Variants in DLG1 observed in about 807,000 individuals in gnomAD.
The protein encoded by DLG1 is discs large MAGUK scaffold protein 1.
Under a neutral mutation model 123.4 loss-of-function variants are expected in DLG1, and 42 were observed. The observed-to-expected ratio is 0.34, with a 90% CI of 0.27 to 0.44. The LOEUF (loss-of-function observed/expected upper bound fraction) is 0.44. Among genes scored for constraint, DLG1 ranks in the 20% least tolerant of loss-of-function variants. DLG1 has a pLI of 1.00. For synonymous variants in DLG1, 317 were observed against 356.2 expected (o/e 0.89, Z 1.24); for missense variants, 942 against 1,082.6 (o/e 0.87, Z 1.82).
chr3:197,181,956 G>A (rs1712348977), intron 5 of DLG1, among the ~76,000 whole-genome samples: 1 of 152,144 alleles, frequency 6.6e-6, no homozygotes, highest in Non-Finnish European at 1.5e-5. Flanking sequence ...TCACAGCAAC[G>A]TTCTGCTCCT....
At chr3:197,054,893 G>T (rs1161050330) in intron 23 of DLG1, among the ~76,000 whole-genome samples, 1 of 151,908 alleles carries the variant, frequency 6.6e-6, no homozygotes, top group African/African-American at 2.4e-5. Flanking sequence ...TCTACTCACT[G>T]CAACCTCCGC....
intron 5 of DLG1, among the ~76,000 whole-genome samples, chr3:197,151,717 G>A (rs1007927594): frequency 1.3e-5 from 2 of 152,182 alleles, no homozygotes. Flanking sequence ...TAAAGTAGTT[G>A]TGAAATACTC....
chr3:197,192,999 T>C (rs954503354), intron 5 of DLG1, among the ~76,000 whole-genome samples: 3 of 152,102 alleles, frequency 2.0e-5, no homozygotes, highest in Non-Finnish European at 2.9e-5. Context: ...TAGAAAAAAA[T>C]AGCCTAGCAA....
intron 3 of DLG1, among the ~76,000 whole-genome samples, chr3:197,287,507 CAT>C (rs57586309): frequency 6.6e-6 from 1 of 151,446 alleles, no homozygotes; most frequent in African/African-American, 2.4e-5. Context: ...TAAACCCAAC[CAT>C]ATATATATAT....
intron 5 of DLG1, among the ~76,000 whole-genome samples, chr3:197,161,264 TTAAA>T (rs1194760811): frequency 6.6e-6 from 1 of 152,110 alleles, no homozygotes; most frequent in East Asian, 1.9e-4. Context: ...AAACAAAGTG[TTAAA>T]TAAAATGATA....
chr3:197,051,882 C>T (rs536407312), intron 23 of DLG1, among the ~76,000 whole-genome samples: 14 of 142,610 alleles, frequency 9.8e-5, no homozygotes, highest in Admixed American at 9.2e-4. Context: ...GACACTGTCA[C>T]CCAGGCTGGA....
intron 4 of DLG1, among the ~76,000 whole-genome samples, chr3:197,264,090 A>C (rs748031462): frequency 3.9e-5 from 6 of 152,176 alleles, no homozygotes; most frequent in Non-Finnish European, 7.3e-5. Flanking sequence ...ACATTAAAAT[A>C]GTATGTCTAA....
chr3:197,053,823 T>C (rs1729687717), intron 23 of DLG1, among the ~76,000 whole-genome samples: 1 of 149,138 alleles, frequency 6.7e-6, no homozygotes, highest in African/African-American at 2.5e-5. Context: ...AGGTGGGTAT[T>C]TATTTACACC....
intron 5 of DLG1, among the ~76,000 whole-genome samples, chr3:197,153,185 A>G (rs1447007583): frequency 6.6e-6 from 1 of 152,232 alleles, no homozygotes; most frequent in Non-Finnish European, 1.5e-5. Flanking sequence ...TCAAAGTTAA[A>G]TGCTATGACT....
At chr3:197,049,717 G>C (rs1412852362) in intron 24 of DLG1, among the ~76,000 whole-genome samples, 1 of 152,194 alleles carries the variant, frequency 6.6e-6, no homozygotes, top group Non-Finnish European at 1.5e-5. Flanking sequence ...TTGCACTCCA[G>C]CCTGGGCAGC....
intron 6 of DLG1, among the ~76,000 whole-genome samples, chr3:197,148,548 T>C (rs1321121617): frequency 6.6e-6 from 1 of 152,158 alleles, no homozygotes; most frequent in Admixed American, 6.5e-5. Context: ...TACAGTTAAC[T>C]GATTTTCTAT....
intron 5 of DLG1, among the ~76,000 whole-genome samples, chr3:197,179,518 T>C (rs568766275): frequency 2.6e-5 from 4 of 152,324 alleles, no homozygotes; most frequent in African/African-American, 7.2e-5. Context: ...TACTGAATGT[T>C]TGAATGTACT....
At chr3:197,268,780 G>GTTTTT (rs1241539831) in intron 4 of DLG1, among the ~76,000 whole-genome samples, 39 of 151,794 alleles carry the variant, frequency 2.6e-4, no homozygotes, top group African/African-American at 9.4e-4. Flanking sequence ...CAAATACACT[G>GTTTTT]TATAGAGGTA....
At chr3:197,112,883 A>T (rs1312194963) in intron 13 of DLG1, among the ~76,000 whole-genome samples, 1 of 152,220 alleles carries the variant, frequency 6.6e-6, no homozygotes, top group Non-Finnish European at 1.5e-5. Context: ...AGCAAGAGTC[A>T]CGTCACCCAG....
intron 4 of DLG1, among the ~76,000 whole-genome samples, chr3:197,237,640 G>A (rs1032469330): frequency 6.6e-6 from 1 of 152,180 alleles, no homozygotes; most frequent in African/African-American, 2.4e-5. Flanking sequence ...GTCAGAGAAG[G>A]CCAATTAAGG....
intron 13 of DLG1, among the ~76,000 whole-genome samples, chr3:197,106,087 A>G (rs1167733138): frequency 1.2e-4 from 18 of 152,202 alleles, no homozygotes; most frequent in Admixed American, 9.8e-4. Context: ...CTAAAAAGAA[A>G]CCATTATGCA....
chr3:197,107,299 C>T (rs1389083755), intron 13 of DLG1, among the ~76,000 whole-genome samples: 2 of 152,164 alleles, frequency 1.3e-5, no homozygotes, highest in African/African-American at 2.4e-5. Context: ...AATCCCAGCA[C>T]TTTGGGAGGC....
At chr3:197,060,535 G>A (rs1229939978) in intron 22 of DLG1, among the ~76,000 whole-genome samples, 1 of 152,164 alleles carries the variant, frequency 6.6e-6, no homozygotes, top group Non-Finnish European at 1.5e-5. Flanking sequence ...AAACCCTAGA[G>A]TAAGGGCAAA....
intron 4 of DLG1, among the ~76,000 whole-genome samples, chr3:197,209,399 A>AC (rs1730209918): frequency 6.8e-6 from 1 of 146,760 alleles, no homozygotes; most frequent in Non-Finnish European, 1.5e-5. Context: ...AGCAAAACCA[A>AC]CAGAAACTAA....
Sources: gnomAD v4.1 joint callset for allele counts (sites outside exome capture counted in the v4.1 genomes callset) on GRCh38, gnomAD v4.1.1 for gene constraint, MANE v1.5 for transcripts, NCBI Gene and HGNC (gene_info 2026-07-23, HGNC 2026-07-21) for gene names.